NCKAP5: variants seen among roughly 807,000 people sequenced by gnomAD.
NCKAP5 encodes the protein nck-associated protein 5.
Under a neutral mutation model 167.0 loss-of-function variants are expected in NCKAP5, and 92 were observed. That is an observed-to-expected ratio of 0.55 (90% CI 0.47 to 0.66). The LOEUF (loss-of-function observed/expected upper bound fraction) is 0.66. Ranked by LOEUF, NCKAP5 falls within the 30% of genes least tolerant of loss-of-function variation. The pLI is 0.00. For synonymous variants in NCKAP5, 891 were observed against 877.4 expected, an observed-to-expected ratio of 1.02 and a Z score of -0.27; for missense variants, 2,378 against 2,315.0, an observed-to-expected ratio of 1.03 and a Z score of -0.56.
At chr2:133,148,996 G>A (rs545511365) in intron 5 of NCKAP5, among the ~76,000 whole-genome samples, 18 of 152,188 alleles carry the variant, frequency 1.2e-4, no homozygotes, top group Admixed American at 4.6e-4. Context: ...ATGTATCATC[G>A]TGGTAATCAA....
intron 19 of NCKAP5, among the ~76,000 whole-genome samples, chr2:132,708,709 C>A (rs977357801): frequency 6.6e-6 from 1 of 152,156 alleles, no homozygotes; most frequent in African/African-American, 2.4e-5. Flanking sequence ...TGTTTATTAC[C>A]GATATTTGTT....
chr2:132,861,526 C>T (rs953613182), intron 10 of NCKAP5, among the ~76,000 whole-genome samples: 1 of 152,086 alleles, frequency 6.6e-6, no homozygotes, highest in African/African-American at 2.4e-5. Context: ...CTTCTGTTCT[C>T]ACCAAGCAGA....
chr2:132,820,229 G>GT (rs992635875), intron 11 of NCKAP5, among the ~76,000 whole-genome samples: 6 of 145,402 alleles, frequency 4.1e-5, no homozygotes, highest in Admixed American at 6.9e-5. Context: ...GTTTTGTTTT[G>GT]TTTTTGTTTT....
intron 6 of NCKAP5, among the ~76,000 whole-genome samples, chr2:133,091,680 G>A (rs2081189678): frequency 6.6e-6 from 1 of 152,160 alleles, no homozygotes; most frequent in African/African-American, 2.4e-5. Flanking sequence ...GAGGTCAGGA[G>A]ATCGAGACCA....
At chr2:132,997,879 T>A (rs2077652845) in intron 6 of NCKAP5, among the ~76,000 whole-genome samples, 1 of 152,154 alleles carries the variant, frequency 6.6e-6, no homozygotes, top group Non-Finnish European at 1.5e-5. Context: ...TAATACTTGA[T>A]TTCATTTTAT....
At chr2:133,576,129 C>G in the NCKAP5 span, among the ~76,000 whole-genome samples, 1 of 152,198 alleles carries the variant, frequency 6.6e-6, no homozygotes, top group East Asian at 1.9e-4. Context: ...CAGCTACAGA[C>G]TTGAATGGGT....
chr2:133,224,335 T>C (rs957506382), intron 4 of NCKAP5, among the ~76,000 whole-genome samples: 1 of 152,178 alleles, frequency 6.6e-6, no homozygotes, highest in African/African-American at 2.4e-5. Context: ...TGAACGATCA[T>C]GCTTCAGAAC....
intron 7 of NCKAP5, among the ~76,000 whole-genome samples, chr2:132,988,281 G>A (rs975051188): frequency 3.3e-5 from 5 of 151,910 alleles, no homozygotes; most frequent in Non-Finnish European, 7.4e-5. Context: ...TGGCCAACAC[G>A]GTAAAACCTG....
At chr2:132,805,197 C>T (rs548602798) in intron 11 of NCKAP5, among the ~76,000 whole-genome samples, 26 of 152,102 alleles carry the variant, frequency 1.7e-4, no homozygotes, top group African/African-American at 6.0e-4. Flanking sequence ...CCTTTTAAAT[C>T]CTCATTACAA....
chr2:133,390,862 A>G (rs1687351627), intron 3 of NCKAP5, among the ~76,000 whole-genome samples: 2 of 152,236 alleles, frequency 1.3e-5, no homozygotes, highest in African/African-American at 2.4e-5. Flanking sequence ...ATTCAGGGGC[A>G]AGAACCACTG....
At position 133,215,312 on chromosome 2, in the gene NCKAP5, G is replaced by A. The variant is rs113889108; in HGVS notation, c.144-1533C>T. ...ATAATTGAAAAAGAAGGATATGAATGAATTCTGTTTTAATATGAAAATTAA... is the reference window on the plus strand; with the variant it reads ...ATAATTGAAAAAGAAGGATATGAATAAATTCTGTTTTAATATGAAAATTAA... On this transcript the variant is annotated intron_variant, in intron 4 of 19. Transcript: ENST00000409261. Among the ~76,000 whole-genome samples the A allele has an allele frequency of 8.1e-4, 123 of 152,174 alleles. 1 individual carries two copies. The highest frequency in any genetic ancestry group is 2.9e-3 in the African/African-American group (121 of 41,526).
At chr2:133,600,483 T>C in the NCKAP5 span, among the ~76,000 whole-genome samples, 2 of 152,196 alleles carry the variant, frequency 1.3e-5, no homozygotes, top group African/African-American at 4.8e-5. Flanking sequence ...CAATGAGCCG[T>C]CGGGGCGCCT....
chr2:133,008,696 T>C (rs1020034026), intron 6 of NCKAP5, among the ~76,000 whole-genome samples: 1 of 151,994 alleles, frequency 6.6e-6, no homozygotes, highest in Non-Finnish European at 1.5e-5. Context: ...AACACTGGAG[T>C]ATGAAAGTCT....
At chr2:133,322,170 T>C (rs1233874252) in intron 3 of NCKAP5, among the ~76,000 whole-genome samples, 2 of 152,220 alleles carry the variant, frequency 1.3e-5, no homozygotes, top group Non-Finnish European at 2.9e-5. Context: ...TTAATAGGCA[T>C]AGTCTTTCCA....
At chr2:132,895,349 A>AC in intron 8 of NCKAP5, among the ~76,000 whole-genome samples, 1 of 115,888 alleles carries the variant, frequency 8.6e-6, no homozygotes, top group African/African-American at 8.2e-5. Flanking sequence ...TCTGTCTCAA[A>AC]AAAAAAAAAA....
intron 5 of NCKAP5, among the ~76,000 whole-genome samples, chr2:133,156,345 C>T (rs16857551): frequency 0.017 from 2,591 of 152,174 alleles, 77 homozygotes; most frequent in African/African-American, 0.059. Flanking sequence ...TCCAGCTTTC[C>T]GGGTTTTCTA....
At position 133,390,623 on chromosome 2, in the gene NCKAP5, C is replaced by T. The variant is rs1047634463; in HGVS notation, c.70-87513G>A. Among the ~76,000 whole-genome samples, 8 of 152,310 alleles carry T rather than the reference C, an allele frequency of 5.3e-5. No homozygotes were observed. In the South Asian group the frequency reaches 1.7e-3, roughly 32 times the overall value. On this transcript the variant is annotated intron_variant, in intron 3 of 19. Coordinates refer to ENST00000409261, the MANE Select transcript of NCKAP5 (RefSeq NM_207363.3). ...CTCCCCAGCCAGGACTGCCATCTCA[C>T]CAACTTTTCATCAGCCTCTAATTTC...
chr2:132,729,819 G>C (rs532443678), intron 17 of NCKAP5, among the ~76,000 whole-genome samples: 62 of 152,304 alleles, frequency 4.1e-4, no homozygotes, highest in African/African-American at 1.4e-3. Context: ...CCTCTCCAGA[G>C]CATTTTGTTT....
chr2:133,633,993 G>A, the NCKAP5 span, among the ~76,000 whole-genome samples: 1 of 152,146 alleles, frequency 6.6e-6, no homozygotes, highest in Non-Finnish European at 1.5e-5. Flanking sequence ...CCTTCAAATA[G>A]AAACTCTTAT....
Sources: gnomAD v4.1 joint callset for allele counts (sites outside exome capture counted in the v4.1 genomes callset) on GRCh38, gnomAD v4.1.1 for gene constraint, MANE v1.5 for transcripts, NCBI Gene and HGNC (gene_info 2026-07-23, HGNC 2026-07-21) for gene names.